TMTC3: variants seen among roughly 807,000 people sequenced by gnomAD.
TMTC3 encodes the protein protein O-mannosyl-transferase TMTC3.
In TMTC3, 52 loss-of-function variants were observed where a neutral mutation model predicts 92.2. The observed-to-expected ratio is 0.56, with a 90% CI of 0.45 to 0.71. The LOEUF (loss-of-function observed/expected upper bound fraction) is 0.71, where lower values mean the gene tolerates loss of function less well. TMTC3 is among the 30% of genes least tolerant of loss of function. TMTC3 has a pLI of 0.00. For synonymous variants in TMTC3, 339 were observed against 363.3 expected, an observed-to-expected ratio of 0.93 and a Z score of 0.76; for missense variants, 896 against 1,057.1, an observed-to-expected ratio of 0.85 and a Z score of 2.11.
At chr12:88,189,210 C>G (rs1213845073) in intron 11 of TMTC3, among the ~76,000 whole-genome samples, 2 of 151,628 alleles carry the variant, frequency 1.3e-5, no homozygotes, top group Admixed American at 6.6e-5. Flanking sequence ...TCTTCTGCCT[C>G]AGCCTCCCAA....
Position 88,195,870 on chromosome 12 carries a change from T to C in TMTC3, c.*221T>C. 2.8e-6 allele frequency: 1 copy of C among 356,546 alleles called. No individual in the cohort carries two copies. Among genetic ancestry groups the C allele is most frequent in the Non-Finnish European group, 5.0e-6 (1 of 199,842 alleles). 22.1% of individuals were successfully genotyped at this position (356,546 alleles called of 1,614,324 possible). ...AGTGTGGGTGAATATAGCAGAAATA[T>C]TACAGCGGAAGTGACAAATTTACAA... is the stretch of plus-strand genomic sequence containing the variant. On this transcript the variant is annotated 3_prime_UTR_variant, in exon 14 of 14. Transcript: ENST00000266712.
chr12:88,195,365 T>A lies in TMTC3; in HGVS notation c.2461T>A (p.Ser821Thr). ...TATAGTCAGGGATAAGATTTCCTCA[T>A]CTAGTTTTATAGAGCCAATATTCCC... Reference protein sequence around the residue: ...LNIVRDKISSSSFIEPIFPTS... With the variant: ...LNIVRDKISSTSFIEPIFPTS... Residue 821 changes from serine to threonine, a missense_variant, in exon 14 of 14, where the codon TCT (serine) becomes ACT (threonine). Physicochemically the swap from Ser to Thr is moderately conservative, Grantham distance 58. Transcript: ENST00000266712. 1 of 1,613,916 alleles carries A rather than the reference T, an allele frequency of 6.2e-7. No homozygotes were observed. Among genetic ancestry groups the A allele is most frequent in the Non-Finnish European group, 8.5e-7 (1 of 1,179,908 alleles).
rs1308947434 is a variant in TMTC3 at position 88,198,460 on chromosome 12, TAGAA to T, written c.*2812_*2815del. ...GTTACCTTACTCCTTCACTGCTTCT[TAGAA>T]GGTAGAATTAAGTTTCTGGAATTGC... On this transcript the variant is annotated 3_prime_UTR_variant, in exon 14 of 14. Transcript: ENST00000266712. 7.5e-6 allele frequency: 3 copies of T among 397,922 alleles called. No individual in the cohort carries two copies. The highest frequency in any genetic ancestry group is 1.3e-5 in the Non-Finnish European group (3 of 225,582). The allele number at this position is 397,922 out of a possible 1,614,324, so 24.6% of individuals were successfully genotyped here.
At chr12:88,146,148 A>T (rs1033790634) in intron 1 of TMTC3, among the ~76,000 whole-genome samples, 103 of 152,108 alleles carry the variant, frequency 6.8e-4, no homozygotes, top group African/African-American at 2.3e-3. Context: ...CTTCCCTGCA[A>T]CCTCTACTTT....
intron 10 of TMTC3, among the ~76,000 whole-genome samples, chr12:88,187,723 G>T (rs2041394758): frequency 6.6e-6 from 1 of 152,174 alleles, no homozygotes; most frequent in East Asian, 1.9e-4. Flanking sequence ...AGATATATAT[G>T]CTTGGCCCCT....
At chr12:88,160,896 T>G in intron 6 of TMTC3, 45 bp downstream of exon 6, 3 of 1,528,048 alleles carry the variant, frequency 2.0e-6, no homozygotes, top group Non-Finnish European at 2.7e-6. Context: ...TTTTTTTAAC[T>G]TTGGATTTTA....
intron 10 of TMTC3, among the ~76,000 whole-genome samples, chr12:88,186,715 T>C (rs1440020974): frequency 6.6e-6 from 1 of 152,188 alleles, no homozygotes; most frequent in Admixed American, 6.5e-5. Context: ...GATACTATTT[T>C]ACCCTCTAGA....
chr12:88,191,260 T>C (rs758739415), intron 12 of TMTC3, among the ~76,000 whole-genome samples: 1 of 152,158 alleles, frequency 6.6e-6, no homozygotes, highest in Non-Finnish European at 1.5e-5. Context: ...GTTTGTAAGT[T>C]GGGGTTTTCT....
intron 2 of TMTC3, among the ~76,000 whole-genome samples, chr12:88,152,170 A>G (rs2040950792): frequency 6.6e-6 from 1 of 152,218 alleles, no homozygotes; most frequent in Non-Finnish European, 1.5e-5. Flanking sequence ...TTTATTTGGC[A>G]TATGGATCTG....
chr12:88,144,964 T>A (rs1362538716), intron 1 of TMTC3, among the ~76,000 whole-genome samples: 1 of 152,228 alleles, frequency 6.6e-6, no homozygotes, highest in Non-Finnish European at 1.5e-5. Flanking sequence ...GGCCTTGTTA[T>A]AAGAACACTT....
intron 4 of TMTC3, among the ~76,000 whole-genome samples, chr12:88,155,001 T>C (rs192749569): frequency 7.5e-4 from 115 of 152,338 alleles, no homozygotes; most frequent in Non-Finnish European, 1.5e-3. Context: ...TTTCTCACTG[T>C]AGTTCCAAGG....
chr12:88,169,167 A>G (rs978843592), intron 7 of TMTC3, among the ~76,000 whole-genome samples: 1 of 152,248 alleles, frequency 6.6e-6, no homozygotes, highest in African/African-American at 2.4e-5. Context: ...AGAGAAACCT[A>G]GAAATCCCAA....
chr12:88,153,346 A>G lies in TMTC3; in HGVS notation c.245A>G (p.Tyr82Cys). The G allele has an allele frequency of 6.2e-7, 1 of 1,613,480 alleles. No homozygotes were observed. Among genetic ancestry groups the G allele is most frequent in the Non-Finnish European group, 8.5e-7 (1 of 1,179,710 alleles). ...ACAGTATTGACATTTCGCTTAAATT[A>G]TTTGTTAAGTGAACTAAAACCAATG... ...PLTVLTFRLN[Y>C]LLSELKPMSY... The change falls in exon 3 of 14, where the codon TAT becomes TGT. Residue 82 changes from tyrosine (Y) to cysteine (C), a missense_variant. By Grantham distance (194) the Tyr-to-Cys change is radical. Transcript: ENST00000266712.
intron 10 of TMTC3, among the ~76,000 whole-genome samples, chr12:88,187,454 C>CT (rs1471230051): frequency 6.6e-6 from 1 of 151,872 alleles, no homozygotes; most frequent in Non-Finnish European, 1.5e-5. Flanking sequence ...AAGTATCTGA[C>CT]TTTTTTTTAA....
Position 88,195,151 on chromosome 12 carries a change from A to G in TMTC3, c.2247A>G (p.Gln749=), listed in dbSNP as rs369037303. Residue 749 remains glutamine, a synonymous_variant, in exon 14 of 14, where the codon CAA becomes CAG. Transcript: ENST00000266712. ...LILKGDILMN[Q]KKDILGAKKC... ...TAAAAGGAGACATTCTGATGAATCAAAAGAAAGATATACTAGGAGCAAAAA... is the reference window on the plus strand; with the variant it reads ...TAAAAGGAGACATTCTGATGAATCAGAAGAAAGATATACTAGGAGCAAAAA... The G allele has an allele frequency of 1.9e-6, 3 of 1,613,778 alleles. No homozygotes were observed. Among genetic ancestry groups the G allele is most frequent in the African/African-American group, 2.7e-5 (2 of 74,934 alleles).
intron 4 of TMTC3, among the ~76,000 whole-genome samples, chr12:88,159,677 A>G (rs979760790): frequency 6.6e-6 from 1 of 151,422 alleles, no homozygotes; most frequent in Non-Finnish European, 1.5e-5. Context: ...AAAAAAAAAA[A>G]GTATAGTACC....
intron 6 of TMTC3, among the ~76,000 whole-genome samples, chr12:88,162,732 A>T (rs1441022262): frequency 1.3e-5 from 2 of 151,974 alleles, no homozygotes; most frequent in East Asian, 3.9e-4. Context: ...GTCAGTTTTT[A>T]TTGAATAAAT....
Position 88,174,631 on chromosome 12 carries a change from TTGTC to T in TMTC3, c.1230_1233del (p.Ser411TrpfsTer2). 1 of 1,610,864 alleles carries T rather than the reference TTGTC, an allele frequency of 6.2e-7. No homozygotes were observed. ...GTGTATTTAAAAAGCTATCCTGGAT[TTGTC>T]TGTCTATGGTGATACTCACTCATTC... is the stretch of plus-strand genomic sequence containing the variant. On this transcript the variant is annotated frameshift_variant, in exon 9 of 14. Coordinates refer to ENST00000266712, the MANE Select transcript of TMTC3 (RefSeq NM_181783.4). LOFTEE classifies it high-confidence loss of function.
chr12:88,158,493 T>A (rs1006824284), intron 4 of TMTC3, among the ~76,000 whole-genome samples: 1 of 152,116 alleles, frequency 6.6e-6, no homozygotes, highest in African/African-American at 2.4e-5. Context: ...TTATAAGATT[T>A]TTTTTTTTAA....
Sources: allele counts gnomAD v4.1 joint callset (sites outside exome capture counted in the v4.1 genomes callset), GRCh38; gene constraint gnomAD v4.1.1; transcripts MANE v1.5; gene names NCBI Gene and HGNC (gene_info 2026-07-23, HGNC 2026-07-21).